The following GSN variants were observed in gnomAD, a reference collection of about 807,000 sequenced individuals.
GSN encodes the protein actin-depolymerizing factor.
GSN carries 56 observed loss-of-function variants against 85.7 expected under a neutral mutation model. The ratio of observed to expected loss-of-function variants is 0.65; its 90% confidence interval spans 0.53 to 0.82. The LOEUF is 0.82. Among genes scored for constraint, GSN ranks in the 40% least tolerant of loss-of-function variants. GSN has a pLI of 0.00. For missense variants in GSN, 857 were observed against 979.8 expected (o/e 0.87, Z 1.67); for synonymous variants, 373 against 399.1 (o/e 0.93, Z 0.78).
upstream of GSN, among the ~76,000 whole-genome samples, chr9:121,204,895 T>C (rs564593969): frequency 6.6e-6 from 1 of 152,310 alleles, no homozygotes; most frequent in South Asian, 2.1e-4. Context: ...TATGCCAACA[T>C]TTGTTAAACT....
intron 5 of GSN, among the ~76,000 whole-genome samples, chr9:121,243,279 C>T (rs1477425317): frequency 6.6e-6 from 1 of 152,236 alleles, no homozygotes; most frequent in African/African-American, 2.4e-5. Flanking sequence ...CTGCCTTCTC[C>T]TCCATGGTAA....
intron 6 of GSN, among the ~76,000 whole-genome samples, chr9:121,252,455 C>T (rs10985191): frequency 0.055 from 8,335 of 152,256 alleles, 466 homozygotes; most frequent in Admixed American, 0.14. Flanking sequence ...CTACATATGA[C>T]GGAGACATTT....
intron 6 of GSN, among the ~76,000 whole-genome samples, chr9:121,249,184 C>A (rs774574200): frequency 6.6e-6 from 1 of 151,864 alleles, no homozygotes; most frequent in Non-Finnish European, 1.5e-5. Context: ...AGAGACTGGG[C>A]GTGGTGGCTC....
At chr9:121,310,433 ATC>A in intron 4 of GSN, 1 of 509,162 alleles carries the variant, frequency 2.0e-6, no homozygotes, top group African/African-American at 1.9e-5. Flanking sequence ...TGGGCAGGGA[ATC>A]TCTCACTTCT....
intron 2 of GSN, among the ~76,000 whole-genome samples, chr9:121,294,919 C>T (rs2059068122): frequency 6.6e-6 from 1 of 152,188 alleles, no homozygotes; most frequent in South Asian, 2.1e-4. Flanking sequence ...ACTTCTGTTC[C>T]CCCAAAAGTC....
intron 8 of GSN, chr9:121,317,675 G>A (rs1262511136): frequency 3.8e-6 from 1 of 265,918 alleles, no homozygotes. Flanking sequence ...AAACTCTTTC[G>A]GTACTATCTT....
At chr9:121,327,747 G>T (rs965036516) in intron 14 of GSN, among the ~76,000 whole-genome samples, 1 of 152,334 alleles carries the variant, frequency 6.6e-6, no homozygotes, top group Non-Finnish European at 1.5e-5. Flanking sequence ...GCTAAGGCGG[G>T]CGGATCACCT....
intron 6 of GSN, among the ~76,000 whole-genome samples, chr9:121,262,737 C>T (rs1249259999): frequency 1.3e-5 from 2 of 152,184 alleles, no homozygotes; most frequent in African/African-American, 4.8e-5. Context: ...TTATATGGAA[C>T]ACAAAGTTTT....
At chr9:121,217,577 C>T (rs1381094852) in intron 4 of GSN, among the ~76,000 whole-genome samples, 1 of 151,672 alleles carries the variant, frequency 6.6e-6, no homozygotes, top group Non-Finnish European at 1.5e-5. Context: ...TATAAAGATA[C>T]CATTCATATT....
chr9:121,307,786 C>T (rs1203884189), intron 4 of GSN, among the ~76,000 whole-genome samples: 5 of 152,182 alleles, frequency 3.3e-5, no homozygotes, highest in South Asian at 4.1e-4. Context: ...TCTTCCCTGG[C>T]GGTTCTTCCT....
intron 2 of GSN, chr9:121,284,805 C>T (rs1249765878): frequency 1.2e-5 from 2 of 167,182 alleles, no homozygotes; most frequent in East Asian, 3.8e-4. Flanking sequence ...AACAATTAGT[C>T]CATGGCAGGC....
Position 121,310,785 on chromosome 9 carries a change from G to A in GSN, c.453G>A (p.Glu151=), listed in dbSNP as rs772864569. The A allele has an allele frequency of 1.9e-6, 3 of 1,614,148 alleles. No individual in the cohort carries two copies. Among genetic ancestry groups the A allele is most frequent in the Non-Finnish European group, 2.5e-6 (3 of 1,180,026 alleles). The change falls in exon 5 of 18, where the codon GAG becomes GAA. Residue 151 remains glutamate, a synonymous_variant. Transcript: ENST00000432226. ...VKGRRVVRAT[E]VPVSWESFNN... is the part of the protein sequence containing the mutation. ...GGCGGCGTGTGGTCCGTGCCACCGAGGTACCTGTGTCCTGGGAGAGCTTCA... is the reference window on the plus strand; with the variant it reads ...GGCGGCGTGTGGTCCGTGCCACCGAAGTACCTGTGTCCTGGGAGAGCTTCA...
At position 121,318,728 on chromosome 9, in the gene GSN, G is replaced by A. The variant is rs1159740643; in HGVS notation, c.1039G>A (p.Asp347Asn). The stretch of plus-strand genomic sequence containing the variant: ...CAAGCAGTTCTTCAAGAACTGGCGG[G>A]ACCCAGACCAGACAGATGGCCTGGG... ...LFKQFFKNWR[D>N]PDQTDGLGLS... The change falls in exon 10 of 18, where the codon GAC becomes AAC. Residue 347 changes from aspartate to asparagine, a missense_variant. Transcript: ENST00000432226. The surrounding 1 kb of genome is among the most constrained non-coding windows in gnomAD (Gnocchi z 4.3). 6.8e-6 allele frequency: 11 copies of A among 1,613,912 alleles called. No homozygotes were observed. The highest frequency in any genetic ancestry group is 8.5e-6 in the Non-Finnish European group (10 of 1,179,908).
At chr9:121,274,987 A>G (rs2056490506) in intron 1 of GSN, among the ~76,000 whole-genome samples, 1 of 152,206 alleles carries the variant, frequency 6.6e-6, no homozygotes, top group Non-Finnish European at 1.5e-5. Context: ...AATTTTGCCA[A>G]ATTTCTGCTC....
chr9:121,276,649 C>G (rs755700406), intron 1 of GSN, among the ~76,000 whole-genome samples: 4 of 152,170 alleles, frequency 2.6e-5, no homozygotes, highest in Non-Finnish European at 5.9e-5. Flanking sequence ...ATACTTGTGC[C>G]CTGAGAGAGC....
chr9:121,201,987 C>T, the GSN span: 1 of 152,534 alleles, frequency 6.6e-6, no homozygotes, highest in African/African-American at 2.4e-5. Context: ...TGAGGCCAGC[C>T]CGCTAGCCAC....
intron 4 of GSN, among the ~76,000 whole-genome samples, chr9:121,218,654 G>A (rs2054112471): frequency 6.6e-6 from 1 of 152,070 alleles, no homozygotes; most frequent in Admixed American, 6.6e-5. Flanking sequence ...AAAGAAAGGA[G>A]GAAACGTACA....
In GSN at chr9:121,313,951, G is replaced by A. The variant is rs751321920; in HGVS notation, c.681G>A (p.Pro227=). 42 of 1,613,966 alleles carry A rather than the reference G, an allele frequency of 2.6e-5. No homozygotes were observed. The highest frequency in any genetic ancestry group is 3.3e-5 in the Non-Finnish European group (39 of 1,179,902). The stretch of plus-strand genomic sequence containing the variant: ...TCCTACAGGTGCTGGGCCCCAAGCC[G>A]GCTCTGCCTGCAGGTACCGAGGACA... ...EAMLQVLGPK[P]ALPAGTEDTA... is the part of the protein sequence containing the mutation. The change falls in exon 7 of 18, where the codon CCG becomes CCA. Residue 227 remains proline (P), a synonymous_variant. Coordinates refer to ENST00000432226, the MANE Select transcript of GSN (RefSeq NM_198252.3).
chr9:121,327,591 G>A, intron 14 of GSN, 109 bp downstream of exon 14: 1 of 861,586 alleles, frequency 1.2e-6, no homozygotes, highest in Non-Finnish European at 1.8e-6. Flanking sequence ...CCCACCTGAG[G>A]GCCTGTCCCC....
Sources: gnomAD v4.1 joint callset for allele counts (sites outside exome capture counted in the v4.1 genomes callset) on GRCh38, gnomAD v4.1.1 for gene constraint, Gnocchi (gnomAD v3.1) non-coding constraint, MANE v1.5 for transcripts, NCBI Gene and HGNC (gene_info 2026-07-23, HGNC 2026-07-21) for gene names.